Variants in DIAPH2 observed in about 807,000 individuals in gnomAD.
DIAPH2 encodes the protein protein diaphanous homolog 2.
Under a neutral mutation model 92.7 loss-of-function variants are expected in DIAPH2, and 35 were observed. The observed-to-expected ratio is 0.38, with a 90% CI of 0.29 to 0.50. The LOEUF (loss-of-function observed/expected upper bound fraction) is 0.50, where lower values mean the gene tolerates loss of function less well. DIAPH2 is among the 20% of genes least tolerant of loss of function. DIAPH2 has a pLI of 0.94. For synonymous variants in DIAPH2, 301 were observed against 280.4 expected (o/e 1.07, Z -0.73); for missense variants, 701 against 819.5 (o/e 0.86, Z 1.77).
chrX:97,378,080 A>G (rs1426096009), intron 24 of DIAPH2, among the ~76,000 whole-genome samples: 1 of 111,068 alleles, frequency 9.0e-6, no homozygotes, highest in Non-Finnish European at 1.9e-5. Flanking sequence ...TGTGAAAAAT[A>G]TTTAAAAATT....
chrX:97,501,301 A>G (rs188327802), intron 26 of DIAPH2, among the ~76,000 whole-genome samples: 1 of 111,881 alleles, frequency 8.9e-6, no homozygotes, highest in East Asian at 2.8e-4. Flanking sequence ...GGAAAAAGGC[A>G]TAGAATGACC....
intron 4 of DIAPH2, among the ~76,000 whole-genome samples, chrX:96,801,635 T>TA (rs2064583344): frequency 9.0e-6 from 1 of 111,547 alleles, no homozygotes; most frequent in Non-Finnish European, 1.9e-5. Context: ...GACCTCCTGT[T>TA]ACCACTTCAG....
intron 17 of DIAPH2, among the ~76,000 whole-genome samples, chrX:97,054,930 C>T (rs977176010): frequency 1.8e-5 from 2 of 111,357 alleles, no homozygotes; most frequent in Admixed American, 9.5e-5. Flanking sequence ...CTCTTCTATA[C>T]ACCCTAATAC....
At chrX:97,325,091 C>G (rs1042862058) in intron 23 of DIAPH2, among the ~76,000 whole-genome samples, 8 of 112,421 alleles carry the variant, frequency 7.1e-5, no homozygotes, top group Non-Finnish European at 1.9e-5. Context: ...TGAGCCACCT[C>G]ACCCGGCCAA....
chrX:96,953,664 A>G (rs2065790926), intron 15 of DIAPH2: 1 of 112,391 alleles, frequency 8.9e-6, no homozygotes, highest in Non-Finnish European at 1.9e-5. Flanking sequence ...AGAATGATCC[A>G]TAATTGCCCT....
intron 1 of DIAPH2, among the ~76,000 whole-genome samples, chrX:96,706,730 C>G (rs2147530331): frequency 9.0e-6 from 1 of 111,323 alleles, no homozygotes; most frequent in East Asian, 2.8e-4. Flanking sequence ...TGACAGACTC[C>G]TGGGTGTATG....
At chrX:97,359,645 T>C (rs1390494290) in intron 24 of DIAPH2, among the ~76,000 whole-genome samples, 1 of 101,285 alleles carries the variant, frequency 9.9e-6, no homozygotes, top group African/African-American at 3.6e-5. Context: ...GTGGCAGGTC[T>C]CGGCTCACTG....
At chrX:97,316,058 G>A (rs1465800020) in intron 23 of DIAPH2, among the ~76,000 whole-genome samples, 1 of 111,153 alleles carries the variant, frequency 9.0e-6, no homozygotes, top group African/African-American at 3.3e-5. Context: ...GCCATCTATC[G>A]ATATTTGTAC....
At chrX:96,750,975 T>C (rs1165747122) in intron 3 of DIAPH2, among the ~76,000 whole-genome samples, 2 of 112,560 alleles carry the variant, frequency 1.8e-5, no homozygotes, top group African/African-American at 6.5e-5. Context: ...GAGAAGCTTC[T>C]AAACACATAT....
chrX:97,361,023 C>T (rs2069319941), intron 24 of DIAPH2, among the ~76,000 whole-genome samples: 1 of 108,431 alleles, frequency 9.2e-6, no homozygotes, highest in Non-Finnish European at 1.9e-5. Flanking sequence ...GTGCACACCA[C>T]CATGCTCGGC....
chrX:97,009,265 G>T (rs1169140117), intron 17 of DIAPH2, among the ~76,000 whole-genome samples: 1 of 111,222 alleles, frequency 9.0e-6, no homozygotes, highest in African/African-American at 3.3e-5. Context: ...AGGCCGAAGG[G>T]CTCTTCAGGC....
intron 17 of DIAPH2, among the ~76,000 whole-genome samples, chrX:97,070,806 A>G (rs936122566): frequency 1.8e-5 from 2 of 111,873 alleles, no homozygotes; most frequent in South Asian, 3.7e-4. Flanking sequence ...AAAACTATGA[A>G]CTATAGATAT....
intron 4 of DIAPH2, among the ~76,000 whole-genome samples, chrX:96,781,667 T>C (rs1231733548): frequency 9.0e-6 from 1 of 110,614 alleles, no homozygotes; most frequent in Non-Finnish European, 1.9e-5. Flanking sequence ...TTCATACTAT[T>C]TTTCTACAAA....
intron 4 of DIAPH2, among the ~76,000 whole-genome samples, chrX:96,832,561 A>G (rs141547292): frequency 0.013 from 1,433 of 111,642 alleles, 22 homozygotes; most frequent in African/African-American, 0.045. Flanking sequence ...GCTTTCTAGT[A>G]ACAAAGTTTC....
At position 97,138,505 on chromosome X, in the gene DIAPH2, T is replaced by G. The variant is rs111508826; in HGVS notation, c.2590-3160T>G. ...AATTAAATTCAGTTATTAATCTTTA[T>G]GTGTAACATTTATTGGTCAGATGAT... On this transcript the variant is annotated intron_variant, in intron 21 of 26. Transcript: ENST00000324765. 1.0e-3 allele frequency among the ~76,000 whole-genome samples: 115 copies of G among 111,824 alleles called. 1 individual carries two copies. The highest frequency in any genetic ancestry group is 3.5e-3 in the African/African-American group (108 of 30,864).
At chrX:96,717,614 C>T (rs2063958116) in intron 1 of DIAPH2, among the ~76,000 whole-genome samples, 1 of 102,778 alleles carries the variant, frequency 9.7e-6, no homozygotes, top group Non-Finnish European at 2.0e-5. Flanking sequence ...CTAGTGTTAG[C>T]ATGGTTTATC....
intron 26 of DIAPH2, among the ~76,000 whole-genome samples, chrX:97,598,179 G>T (rs1221734866): frequency 8.9e-6 from 1 of 111,766 alleles, no homozygotes; most frequent in East Asian, 2.8e-4. Context: ...ATGAGTAGCA[G>T]CTTGGGAGGC....
intron 4 of DIAPH2, among the ~76,000 whole-genome samples, chrX:96,858,988 T>C: frequency 8.9e-6 from 1 of 112,199 alleles, no homozygotes. Flanking sequence ...GAGTCACATG[T>C]ATTTGTGTCT....
At chrX:96,700,066 T>G (rs2063846241) in intron 1 of DIAPH2, among the ~76,000 whole-genome samples, 2 of 112,029 alleles carry the variant, frequency 1.8e-5, no homozygotes, top group South Asian at 7.5e-4. Context: ...TAGAGTGCAG[T>G]GGCGCAATCA....
Sources: allele counts gnomAD v4.1 joint callset (sites outside exome capture counted in the v4.1 genomes callset), GRCh38; gene constraint gnomAD v4.1.1; transcripts MANE v1.5; gene names NCBI Gene and HGNC (gene_info 2026-07-23, HGNC 2026-07-21).